Variants in NUMA1 observed in about 807,000 individuals in gnomAD.
The protein encoded by NUMA1 is nuclear mitotic apparatus protein 1.
NUMA1 carries 62 observed loss-of-function variants against 237.1 expected under a neutral mutation model. The observed-to-expected ratio is 0.26, with a 90% CI of 0.21 to 0.32. The LOEUF is 0.32. Ranked by LOEUF, NUMA1 falls within the 10% of genes least tolerant of loss-of-function variation. NUMA1 has a pLI of 1.00. For missense variants in NUMA1, 2,533 were observed against 2,666.5 expected, an observed-to-expected ratio of 0.95 and a Z score of 1.10; for synonymous variants, 1,028 against 1,066.1, an observed-to-expected ratio of 0.96 and a Z score of 0.70.
In NUMA1 at chr11:72,016,079, A is replaced by G; in HGVS notation, c.1424T>C (p.Ile475Thr). The G allele has an allele frequency of 6.2e-7, 1 of 1,614,086 alleles. No homozygotes were observed. Among genetic ancestry groups the G allele is most frequent in the Non-Finnish European group, 8.5e-7 (1 of 1,180,026 alleles). ...TTCCTTGGCCTGGCTGAGGTTGGAG[A>G]TGGAGCTCTGCAGGTCAGTGATCAG... The part of the protein sequence containing the change: ...SSLITDLQSS[I>T]SNLSQAKEEL... Residue 475 changes from isoleucine to threonine, a missense_variant, in exon 15 of 27, where the codon ATC becomes ACC. By Grantham distance (89) the Ile-to-Thr change is moderately conservative. Transcript: ENST00000393695.
chr11:72,030,555 C>T (rs544529061), intron 3 of NUMA1, among the ~76,000 whole-genome samples: 1 of 152,292 alleles, frequency 6.6e-6, no homozygotes, highest in African/African-American at 2.4e-5. Flanking sequence ...AATAAGTATA[C>T]ATGGTCAACC....
At chr11:72,010,016 G>C (rs941682854) in intron 17 of NUMA1, among the ~76,000 whole-genome samples, 6 of 152,214 alleles carry the variant, frequency 3.9e-5, no homozygotes, top group Non-Finnish European at 8.8e-5. Context: ...AGGCCAACAA[G>C]TGCTTTGCTG....
chr11:72,074,055 T>G (rs3018304), intron 1 of NUMA1, among the ~76,000 whole-genome samples: 133,399 of 152,014 alleles, frequency 0.88, 58,758 homozygotes, highest in Non-Finnish European at 0.93. Flanking sequence ...TTAGCTAGGC[T>G]TGGTGGCGCA....
chr11:72,075,425 C>G (rs1943664438), intron 1 of NUMA1, among the ~76,000 whole-genome samples: 1 of 152,198 alleles, frequency 6.6e-6, no homozygotes, highest in South Asian at 2.1e-4. Flanking sequence ...AAACCAGCCT[C>G]CTGCCCCTCA....
chr11:72,028,647 C>T (rs1477788105), intron 4 of NUMA1, among the ~76,000 whole-genome samples: 4 of 152,122 alleles, frequency 2.6e-5, no homozygotes, highest in African/African-American at 9.7e-5. Flanking sequence ...TTATTAAATG[C>T]TCATGGACCT....
chr11:72,035,327 C>T (rs538995575), intron 3 of NUMA1, among the ~76,000 whole-genome samples: 1 of 152,034 alleles, frequency 6.6e-6, no homozygotes, highest in South Asian at 2.1e-4. Context: ...GTGATGAGAA[C>T]CTTGTCCTAG....
intron 2 of NUMA1, chr11:72,067,620 T>G (rs1180701891): frequency 6.6e-6 from 1 of 152,000 alleles, no homozygotes; most frequent in Non-Finnish European, 1.5e-5. Context: ...ATTTAGGAAG[T>G]AAAAAAGAAA....
At chr11:72,077,823 A>C (rs1427463312) in intron 1 of NUMA1, among the ~76,000 whole-genome samples, 4 of 151,324 alleles carry the variant, frequency 2.6e-5, no homozygotes, top group African/African-American at 4.8e-5. Context: ...CAAAAAAAAA[A>C]AAAAAACAAA....
rs1395081055 is a variant in NUMA1, at chr11:72,013,522, T to C, written c.3981A>G (p.Gln1327=). 1 of 1,613,568 alleles carries C rather than the reference T, an allele frequency of 6.2e-7. No individual in the cohort carries two copies. The highest frequency in any genetic ancestry group is 1.7e-5 in the Admixed American group (1 of 60,028). The part of the protein sequence containing the change: ...SQAERAEELG[Q]ELKAWQEKFF... ...ACTTCTCCTGCCACGCCTTCAATTC[T>C]TGGCCCAGCTCCTCCGCACGCTCAG... is the stretch of plus-strand genomic sequence containing the variant. The change falls in exon 15 of 27, where the codon CAA becomes CAG. Residue 1327 remains glutamine, a synonymous_variant. Coordinates refer to ENST00000393695, the MANE Select transcript of NUMA1 (RefSeq NM_006185.4). The surrounding 1 kb of genome is among the most constrained non-coding windows in gnomAD (Gnocchi z 6.8).
chr11:72,004,406 T>C (rs1342569952), intron 24 of NUMA1, 65 bp from the exon 25 acceptor site: 3 of 1,455,220 alleles, frequency 2.1e-6, no homozygotes, highest in Non-Finnish European at 2.9e-6. Flanking sequence ...CCAGGTGTCT[T>C]GTCCTCTCAG....
At chr11:72,043,137 A>C (rs760988665) in intron 2 of NUMA1, among the ~76,000 whole-genome samples, 3 of 152,014 alleles carry the variant, frequency 2.0e-5, no homozygotes, top group Non-Finnish European at 4.4e-5. Context: ...GGAAAGTATG[A>C]GGGATGATAT....
In NUMA1 at chr11:72,014,295, G is replaced by A. The variant is rs200386972; in HGVS notation, c.3208C>T (p.Arg1070Cys). ...TTTATCTGGGCTGCCTCCAGACCAC[G>A]AAGCTTGGCCAACTCCTGGTCCTTG... ...EGKDQELAKL[R>C]GLEAAQIKEL... Residue 1070 changes from arginine to cysteine, a missense_variant, in exon 15 of 27, where the codon CGT (arginine) becomes TGT (cysteine). Coordinates refer to ENST00000393695, the MANE Select transcript of NUMA1 (RefSeq NM_006185.4). This position sits in a 1 kb window ranked among gnomAD's most constrained non-coding sequence, Gnocchi z 4.6. The A allele has an allele frequency of 1.5e-5, 24 of 1,613,938 alleles. No individual in the cohort carries two copies. In the East Asian group the frequency reaches 2.7e-4, roughly 18 times the overall value.
chr11:72,011,304 C>T (rs928732872), intron 16 of NUMA1, among the ~76,000 whole-genome samples: 2 of 152,238 alleles, frequency 1.3e-5, no homozygotes, highest in African/African-American at 2.4e-5. Flanking sequence ...CCCACAGATG[C>T]TCAGACCTCT....
At chr11:72,012,307 C>T (rs1437923397) in intron 16 of NUMA1, 94 bp downstream of exon 16, 29 of 1,205,064 alleles carry the variant, frequency 2.4e-5, no homozygotes, top group Non-Finnish European at 2.8e-5. Context: ...CAGTTCACAA[C>T]AGGAGCTGGC....
intron 20 of NUMA1, 151 bp downstream of exon 20, chr11:72,008,537 G>T: frequency 1.2e-6 from 1 of 847,284 alleles, no homozygotes. Flanking sequence ...TTCCAACTGT[G>T]CCCTAAATAG....
chr11:72,052,212 T>C lies in NUMA1; in HGVS notation c.-32-16237A>G, dbSNP rs1942402507. Among the ~76,000 whole-genome samples the C allele has an allele frequency of 2.0e-5, 3 of 152,178 alleles. No individual in the cohort carries two copies. In the South Asian group the frequency reaches 6.2e-4, roughly 32 times the overall value. ...GAGAACACTAAGATTCTTGCTTTCA[T>C]GGAAAGATTTCAGAACGAGAAAATA... On this transcript the variant is annotated intron_variant, in intron 2 of 26. Coordinates refer to ENST00000393695, the MANE Select transcript of NUMA1 (RefSeq NM_006185.4).
At chr11:72,024,539 T>C in intron 4 of NUMA1, 186 bp from the exon 5 acceptor site, 1 of 593,154 alleles carries the variant, frequency 1.7e-6, no homozygotes, top group East Asian at 2.9e-5. Flanking sequence ...AACTGTGTGG[T>C]GGGTGGGAAG....
intron 3 of NUMA1, among the ~76,000 whole-genome samples, chr11:72,033,254 G>C (rs903707414): frequency 6.6e-6 from 1 of 152,146 alleles, no homozygotes; most frequent in African/African-American, 2.4e-5. Context: ...TCAAACTCCC[G>C]GGCTCAAGCA....
chr11:72,049,164 C>T (rs567691138), intron 2 of NUMA1, among the ~76,000 whole-genome samples: 18 of 152,294 alleles, frequency 1.2e-4, no homozygotes, highest in Admixed American at 6.5e-4. Context: ...TCTGTCCCTA[C>T]AGGCAACATA....
Sources: allele counts gnomAD v4.1 joint callset (sites outside exome capture counted in the v4.1 genomes callset), GRCh38; gene constraint gnomAD v4.1.1; non-coding constraint Gnocchi (gnomAD v3.1); transcripts MANE v1.5; gene names NCBI Gene and HGNC (gene_info 2026-07-23, HGNC 2026-07-21).